PDXDC1: variants seen among roughly 807,000 people sequenced by gnomAD.
PDXDC1 encodes the protein pyridoxal-dependent decarboxylase domain-containing protein 1.
PDXDC1 carries 42 observed loss-of-function variants against 100.1 expected under a neutral mutation model. The observed-to-expected ratio is 0.42, with a 90% CI of 0.33 to 0.54. The LOEUF (loss-of-function observed/expected upper bound fraction) is 0.54. Among genes scored for constraint, PDXDC1 ranks in the 20% least tolerant of loss-of-function variants. PDXDC1 has a pLI of 0.10. For synonymous variants in PDXDC1, 260 were observed against 371.7 expected (o/e 0.70, Z 3.46); for missense variants, 636 against 979.2 (o/e 0.65, Z 4.68).
intron 16 of PDXDC1, chr16:15,074,535 G>A (rs1205619841): frequency 6.5e-6 from 3 of 464,296 alleles, no homozygotes; most frequent in East Asian, 3.4e-5. Context: ...AACTCAGCCA[G>A]AATCCCAGTC....
intron 16 of PDXDC1, among the ~76,000 whole-genome samples, chr16:15,073,948 C>G (rs1466514367): frequency 6.6e-6 from 1 of 152,074 alleles, no homozygotes; most frequent in African/African-American, 2.4e-5. Context: ...TCTTCAGCAT[C>G]CATGTAAAGG....
chr16:15,063,800 C>G (rs1306110503), intron 16 of PDXDC1, among the ~76,000 whole-genome samples: 3 of 151,762 alleles, frequency 2.0e-5, no homozygotes, highest in Non-Finnish European at 2.9e-5. Context: ...AGAGTTCATT[C>G]ACTCATGTCG....
At position 15,014,925 on chromosome 16, in the gene PDXDC1, T is replaced by C. The variant is rs1389546439; in HGVS notation, c.728-1204T>C. Among the ~76,000 whole-genome samples the C allele has an allele frequency of 3.4e-5, 5 of 149,098 alleles. No individual in the cohort carries two copies. In the South Asian group the frequency reaches 6.3e-4, roughly 19 times the overall value. On this transcript the variant is annotated intron_variant, in intron 8 of 22. Coordinates refer to ENST00000396410, the MANE Select transcript of PDXDC1 (RefSeq NM_015027.4). ...GGAACCTGGGTGGAAACAAAACAAA[T>C]TCATCTATATGTTTTGTTTGTTTGT...
At chr16:15,007,531 G>A (rs1236186287) in intron 6 of PDXDC1, among the ~76,000 whole-genome samples, 1 of 152,254 alleles carries the variant, frequency 6.6e-6, no homozygotes, top group Non-Finnish European at 1.5e-5. Flanking sequence ...GGACTACATC[G>A]AGATAAGACA....
At chr16:15,059,848 G>T (rs899166096) in intron 16 of PDXDC1, among the ~76,000 whole-genome samples, 1 of 151,988 alleles carries the variant, frequency 6.6e-6, no homozygotes, top group East Asian at 1.9e-4. Context: ...GGAGAGTCGC[G>T]GATACTTCAT....
intron 16 of PDXDC1, among the ~76,000 whole-genome samples, chr16:15,058,835 A>G (rs1422061162): frequency 6.6e-6 from 1 of 152,288 alleles, no homozygotes; most frequent in Admixed American, 6.5e-5. Flanking sequence ...GGGTCTCACT[A>G]TGTTGCCCCA....
intron 8 of PDXDC1, among the ~76,000 whole-genome samples, chr16:15,013,582 T>C (rs1277024727): frequency 1.3e-5 from 2 of 152,252 alleles, no homozygotes; most frequent in Admixed American, 1.3e-4. Context: ...TGCATGTAAA[T>C]CATACTACAA....
intron 16 of PDXDC1, among the ~76,000 whole-genome samples, chr16:15,096,982 C>T (rs989873497): frequency 2.0e-5 from 3 of 152,210 alleles, no homozygotes; most frequent in Admixed American, 2.0e-4. Context: ...AAGTCTGAGT[C>T]TGGGTGCAGT....
At chr16:15,034,819 G>A (rs779959948) in intron 21 of PDXDC1, among the ~76,000 whole-genome samples, 3 of 152,204 alleles carry the variant, frequency 2.0e-5, no homozygotes, top group African/African-American at 4.8e-5. Flanking sequence ...CCACTCAGCC[G>A]TGCAGACTCT....
downstream of PDXDC1, chr16:15,040,385 G>A (rs1417637934): frequency 1.2e-4 from 36 of 300,354 alleles, no homozygotes; most frequent in Non-Finnish European, 1.8e-4. Flanking sequence ...TGTACGGCCA[G>A]GGGTGGCTGG....
intron 16 of PDXDC1, among the ~76,000 whole-genome samples, chr16:15,101,620 C>G (rs1169834997): frequency 6.7e-6 from 1 of 149,268 alleles, no homozygotes; most frequent in Non-Finnish European, 1.5e-5. Flanking sequence ...CCCAGGTACT[C>G]AAGAGGCTGA....
rs2043559167 is a variant in PDXDC1 at position 15,037,668 on chromosome 16, A to AAAGGTTCTTGAAATTGTTAC, written c.*1394_*1413dup. 5.8e-6 allele frequency: 1 copy of AAAGGTTCTTGAAATTGTTAC among 172,514 alleles called. No homozygotes were observed. Among genetic ancestry groups the AAAGGTTCTTGAAATTGTTAC allele is most frequent in the Admixed American group, 6.2e-5 (1 of 16,108 alleles). 10.7% of individuals were successfully genotyped at this position (172,514 alleles called of 1,614,324 possible). A position where few individuals can be genotyped will look rare whatever the true frequency, so the allele number is the denominator to read the frequency against. On this transcript the variant is annotated 3_prime_UTR_variant, in exon 23 of 23. Coordinates refer to ENST00000396410, the MANE Select transcript of PDXDC1 (RefSeq NM_015027.4). ...ATATTATTTGAATGTTGGTTTCAAT[A>AAAGGTTCTTGAAATTGTTAC]AAGGTTCTTGAAATTGTTACCAGTG...
At chr16:15,095,400 AAAT>A (rs1282221507) in intron 16 of PDXDC1, among the ~76,000 whole-genome samples, 4 of 152,070 alleles carry the variant, frequency 2.6e-5, no homozygotes, top group South Asian at 4.1e-4. Context: ...TAAAAAATAA[AAAT>A]AATAAAAATT....
At position 15,036,624 on chromosome 16, in the gene PDXDC1, T is replaced by A; in HGVS notation, c.*349T>A. On this transcript the variant is annotated 3_prime_UTR_variant, in exon 23 of 23. Coordinates refer to ENST00000396410, the MANE Select transcript of PDXDC1 (RefSeq NM_015027.4). ...ATATGAGGTTGCCCGTGGCAACTTT[T>A]TGGTAAAACAGCTTTTCATTAGCAC... The A allele has an allele frequency of 3.5e-6, 1 of 283,028 alleles. No individual in the cohort carries two copies. The highest frequency in any genetic ancestry group is 6.7e-6 in the Non-Finnish European group (1 of 150,134). 17.5% of individuals were successfully genotyped at this position (283,028 alleles called of 1,614,324 possible).
rs539455885 is a variant in PDXDC1 at position 15,069,348 on chromosome 16, AC to A, written c.1399+39296del. On this transcript the variant is annotated intron_variant, in intron 16 of 16. Transcript: ENST00000535621. ...AATGGCAATCGTGCAGGGTTCAGAG[AC>A]CCCGGTTTAGAGGAAGTGACCCACA... Among the ~76,000 whole-genome samples the A allele has an allele frequency of 1.5e-3, 225 of 152,262 alleles. 3 individuals are homozygous for A. Among genetic ancestry groups the A allele is most frequent in the Non-Finnish European group, 2.0e-3 (136 of 68,022 alleles).
rs925589999 is a variant in PDXDC1 at position 14,991,681 on chromosome 16, GCTTA to G, written c.22-6068_22-6065del. Among the ~76,000 whole-genome samples the G allele has an allele frequency of 1.1e-4, 16 of 152,326 alleles. No homozygotes were observed. In the East Asian group the frequency reaches 3.1e-3, roughly 29 times the overall value. On this transcript the variant is annotated intron_variant, in intron 1 of 22. Coordinates refer to ENST00000396410, the MANE Select transcript of PDXDC1 (RefSeq NM_015027.4). ...CCAGAGGCATGCACTACCATGCCCG[GCTTA>G]CTTTTTTTGTATTTTTTGTAGAGAC...
chr16:15,031,161 C>CA (rs2043042705), intron 16 of PDXDC1, among the ~76,000 whole-genome samples: 1 of 132,414 alleles, frequency 7.6e-6, no homozygotes, highest in African/African-American at 2.7e-5. Context: ...CTCACTCTGT[C>CA]ACCCAGGCTG....
chr16:15,137,360 G>A lies in PDXDC1; in HGVS notation c.1400-1519G>A, dbSNP rs865901884. On this transcript the variant is annotated intron_variant, in intron 16 of 16. Coordinates refer to the PDXDC1 transcript ENST00000535621. The stretch of plus-strand genomic sequence containing the variant: ...CAGGCAGGCGAAGGAGGCACTAGAG[G>A]GCTGGGCCGCCCCACACAGGCACCA... 1.6e-4 allele frequency: 250 copies of A among 1,516,850 alleles called. 2 individuals carry two copies. The Admixed American group carries it at 1.7e-3, about 10-fold the overall frequency. 94.0% of individuals were successfully genotyped at this position (1,516,850 alleles called of 1,614,324 possible).
intron 16 of PDXDC1, among the ~76,000 whole-genome samples, chr16:15,079,670 G>C (rs1347664940): frequency 6.6e-6 from 1 of 151,426 alleles, no homozygotes; most frequent in African/African-American, 2.4e-5. Flanking sequence ...TCAGCTCACT[G>C]CAAGATCTGC....
Sources: gnomAD v4.1 joint callset for allele counts (sites outside exome capture counted in the v4.1 genomes callset) on GRCh38, gnomAD v4.1.1 for gene constraint, MANE v1.5 for transcripts, NCBI Gene and HGNC (gene_info 2026-07-23, HGNC 2026-07-21) for gene names.